The following THAP4 variants were observed in gnomAD, a reference collection of about 807,000 sequenced individuals.
THAP4 encodes the protein peroxynitrite isomerase THAP4.
Under a neutral mutation model 48.1 loss-of-function variants are expected in THAP4, and 18 were observed. The observed-to-expected ratio is 0.37, with a 90% confidence interval of 0.26 to 0.56. THAP4 has a LOEUF of 0.56. THAP4 is among the 20% of genes least tolerant of loss of function. The pLI, the probability that THAP4 is intolerant of heterozygous loss-of-function variation, is 0.78. For synonymous variants in THAP4, 345 were observed against 324.9 expected, an observed-to-expected ratio of 1.06 and a Z score of -0.66; for missense variants, 656 against 774.9, an observed-to-expected ratio of 0.85 and a Z score of 1.82.
At chr2:241,596,620 C>T (rs1201172031) in intron 5 of THAP4, among the ~76,000 whole-genome samples, 3 of 149,982 alleles carry the variant, frequency 2.0e-5, no homozygotes, top group African/African-American at 7.4e-5. Flanking sequence ...TCCTGGCTAA[C>T]ACGGTGAAAC....
intron 5 of THAP4, among the ~76,000 whole-genome samples, chr2:241,590,064 G>C (rs1575016121): frequency 6.6e-6 from 1 of 151,636 alleles, no homozygotes; most frequent in African/African-American, 2.4e-5. Flanking sequence ...GAGCTGCTCG[G>C]CTGACGATGA....
At chr2:241,620,768 A>T (rs1052851808) in intron 2 of THAP4, among the ~76,000 whole-genome samples, 1 of 151,860 alleles carries the variant, frequency 6.6e-6, no homozygotes, top group Non-Finnish European at 1.5e-5. Context: ...TAAATCGATT[A>T]AAAAAAATTG....
chr2:241,630,241 G>A (rs899341995), intron 2 of THAP4, among the ~76,000 whole-genome samples: 10 of 152,160 alleles, frequency 6.6e-5, no homozygotes, highest in African/African-American at 2.4e-4. Flanking sequence ...AGCAACAAAA[G>A]CAGAGAGAGG....
At chr2:241,596,449 G>A (rs1417738485) in intron 5 of THAP4, among the ~76,000 whole-genome samples, 1 of 61,272 alleles carries the variant, frequency 1.6e-5, no homozygotes, top group East Asian at 7.5e-4. Context: ...AGAGGTTGCA[G>A]TGAGCCGAGA....
chr2:241,622,029 AC>A (rs1203258880), intron 2 of THAP4, among the ~76,000 whole-genome samples: 1 of 152,200 alleles, frequency 6.6e-6, no homozygotes, highest in Non-Finnish European at 1.5e-5. Context: ...TAAAGAACTT[AC>A]TTTTTTCCCA....
intron 5 of THAP4, among the ~76,000 whole-genome samples, chr2:241,589,453 A>G (rs543259738): frequency 6.6e-6 from 1 of 152,348 alleles, no homozygotes; most frequent in East Asian, 1.9e-4. Flanking sequence ...TCACAAAACA[A>G]GAAATACAAG....
intron 2 of THAP4, among the ~76,000 whole-genome samples, chr2:241,611,289 G>A (rs1192733201): frequency 3.9e-5 from 6 of 152,168 alleles, no homozygotes; most frequent in Non-Finnish European, 1.5e-5. Context: ...GGGAGCTCCT[G>A]CAAACAGCAG....
rs538552799 is a variant in THAP4, at chr2:241,610,959, G to C, written c.1241-4486C>G. Among the ~76,000 whole-genome samples the C allele has an allele frequency of 1.3e-5, 2 of 152,060 alleles. No homozygotes were observed. The highest frequency in any genetic ancestry group is 2.1e-4 in the South Asian group (1 of 4,822). On this transcript the variant is annotated intron_variant, in intron 2 of 5. Transcript: ENST00000407315. This position sits in a 1 kb window ranked among gnomAD's most constrained non-coding sequence, Gnocchi z 4.2. ...CCAGCTTCTGGGGGTCTCCGAGGGG[G>C]ACTCTCAGGTAAGTAACAATATTAT...
At chr2:241,637,550 C>T (rs1341051129), upstream of THAP4, 1 of 1,475,338 alleles carries the variant, frequency 6.8e-7, no homozygotes, top group Non-Finnish European at 8.9e-7. Flanking sequence ...TCGGCCCGGC[C>T]GTACGCCAAA....
At chr2:241,598,160 T>G (rs1166098786) in intron 5 of THAP4, among the ~76,000 whole-genome samples, 2 of 152,208 alleles carry the variant, frequency 1.3e-5, no homozygotes, top group Non-Finnish European at 2.9e-5. Flanking sequence ...CGGACACTTT[T>G]GCAGGAGAAC....
chr2:241,636,905 TCGGGG>T lies in THAP4; in HGVS notation c.77+31_77+35del, dbSNP rs1378473577. ...GCCTCAGTTTCCCCGCAGGGCCGGG[TCGGGG>T]CGGGGGCGTGGCGGCCCGGGGCCCG... On this transcript the variant is annotated intron_variant, in intron 1 of 5. Coordinates refer to ENST00000407315, the MANE Select transcript of THAP4 (RefSeq NM_015963.6). The T allele has an allele frequency of 7.0e-6, 8 of 1,149,318 alleles. No individual in the cohort carries two copies. The Admixed American group carries it at 9.2e-5, about 13-fold the overall frequency. The allele number at this position is 1,149,318 out of a possible 1,614,324, so 71.2% of individuals were successfully genotyped here. A position where few individuals can be genotyped will look rare whatever the true frequency, so the allele number is the denominator to read the frequency against.
chr2:241,631,273 C>T (rs951764770), intron 2 of THAP4, among the ~76,000 whole-genome samples: 2 of 152,132 alleles, frequency 1.3e-5, no homozygotes, highest in African/African-American at 4.8e-5. Context: ...TCTTGTCCCA[C>T]TATCATATAC....
intron 5 of THAP4, chr2:241,594,484 G>T: frequency 5.2e-6 from 1 of 192,142 alleles, no homozygotes; most frequent in South Asian, 8.9e-5. Flanking sequence ...CAGCATCTTG[G>T]GAGGCCCAGG....
At chr2:241,617,394 C>A in intron 2 of THAP4, 1 of 1,520,626 alleles carries the variant, frequency 6.6e-7, no homozygotes, top group Non-Finnish European at 8.9e-7. Flanking sequence ...TGGCCCAAGA[C>A]ACTGAAAGCA....
Position 241,612,430 on chromosome 2 carries a change from T to A in THAP4, c.1241-5957A>T, listed in dbSNP as rs75906855. Among the ~76,000 whole-genome samples, 49,267 of 151,698 alleles carry A rather than the reference T, an allele frequency of 0.32. 8,263 individuals carry two copies. The highest frequency in any genetic ancestry group is 0.46 in the South Asian group (2,195 of 4,818). ...GACTGCCACTCCTGGAGACATGCAC[T>A]CCCAGCAGAAATGACACACCTGTCC... is the stretch of plus-strand genomic sequence containing the variant. On this transcript the variant is annotated intron_variant, in intron 2 of 5. Transcript: ENST00000407315. The surrounding 1 kb of genome is among the most constrained non-coding windows in gnomAD (Gnocchi z 4.1).
intron 2 of THAP4, among the ~76,000 whole-genome samples, chr2:241,622,738 T>A (rs2067447064): frequency 1.3e-5 from 2 of 152,062 alleles, no homozygotes; most frequent in African/African-American, 4.8e-5. Context: ...AAGCTGGGAC[T>A]ACAGGTGTGC....
intron 5 of THAP4, among the ~76,000 whole-genome samples, chr2:241,597,191 C>T (rs1392280299): frequency 3.3e-5 from 5 of 152,118 alleles, no homozygotes; most frequent in Non-Finnish European, 5.9e-5. Context: ...AGTGCAGTGG[C>T]GCGATCTCGG....
chr2:241,629,646 A>G (rs949192162), intron 2 of THAP4, among the ~76,000 whole-genome samples: 3 of 152,064 alleles, frequency 2.0e-5, no homozygotes, highest in Admixed American at 1.3e-4. Flanking sequence ...AGTTAAAAAT[A>G]TAACTATAAA....
chr2:241,620,790 T>G (rs1267126241), intron 2 of THAP4, among the ~76,000 whole-genome samples: 6 of 152,048 alleles, frequency 3.9e-5, no homozygotes. Flanking sequence ...ACTACGATGT[T>G]ACAATGGCTA....
Sources: allele counts gnomAD v4.1 joint callset (sites outside exome capture counted in the v4.1 genomes callset), GRCh38; gene constraint gnomAD v4.1.1; non-coding constraint Gnocchi (gnomAD v3.1); transcripts MANE v1.5; gene names NCBI Gene and HGNC (gene_info 2026-07-23, HGNC 2026-07-21).